Variants in MDN1 observed in about 807,000 individuals in gnomAD.
The protein encoded by MDN1 is midasin.
A neutral mutation model predicts 669.2 loss-of-function variants in MDN1; 266 were observed. The ratio of observed to expected loss-of-function variants is 0.40; its 90% CI spans 0.36 to 0.44. MDN1 has a LOEUF of 0.44. Among genes scored for constraint, MDN1 ranks in the 20% least tolerant of loss-of-function variants. The pLI, the probability that MDN1 is intolerant of heterozygous loss-of-function variation, is 1.00. For synonymous variants in MDN1, 2,385 were observed against 2,457.1 expected (o/e 0.97, Z 0.87); for missense variants, 5,940 against 6,754.0 (o/e 0.88, Z 4.22).
intron 1 of MDN1, among the ~76,000 whole-genome samples, chr6:89,811,161 C>T (rs1768389623): frequency 6.6e-6 from 1 of 152,128 alleles, no homozygotes; most frequent in East Asian, 1.9e-4. Context: ...TAGTATTCTG[C>T]ATGAATACTA....
At chr6:89,686,695 A>T (rs1260013273) in intron 69 of MDN1, among the ~76,000 whole-genome samples, 3 of 152,222 alleles carry the variant, frequency 2.0e-5, no homozygotes, top group Non-Finnish European at 4.4e-5. Context: ...TAAACCTCTC[A>T]CACTTTTGTT....
intron 90 of MDN1, among the ~76,000 whole-genome samples, chr6:89,657,790 G>A (rs1296280972): frequency 6.6e-6 from 1 of 152,196 alleles, no homozygotes; most frequent in Non-Finnish European, 1.5e-5. Flanking sequence ...ATGTGCACTG[G>A]TGGTCCTGTA....
chr6:89,792,002 G>A (rs1368977733), intron 5 of MDN1, among the ~76,000 whole-genome samples: 1 of 151,232 alleles, frequency 6.6e-6, no homozygotes, highest in Non-Finnish European at 1.5e-5. Flanking sequence ...CGAGTAGCTG[G>A]GACTACAGGT....
intron 85 of MDN1, among the ~76,000 whole-genome samples, chr6:89,663,835 A>G (rs369630638): frequency 6.6e-6 from 1 of 151,968 alleles, no homozygotes. Context: ...CCAGCTACTC[A>G]GGATGCTGAG....
At chr6:89,780,815 A>AT (rs67350721) in intron 10 of MDN1, among the ~76,000 whole-genome samples, 46 of 145,210 alleles carry the variant, frequency 3.2e-4, no homozygotes, top group South Asian at 2.2e-3. Flanking sequence ...TAATTTTTGT[A>AT]TTTTTTTTTT....
chr6:89,689,780 TTCATGAG>T lies in MDN1; in HGVS notation c.11023+83_11023+89del, dbSNP rs558551942. On this transcript the variant is annotated intron_variant, in intron 65 of 101. Transcript: ENST00000369393. Reference sequence around the variant, plus strand: ...TAAGGAATTATGCGAAAACAGGAAATTCATGAGTGTGATTGTTACAGAGTAGCAACAG... The same window carrying T: ...TAAGGAATTATGCGAAAACAGGAAATTGTGATTGTTACAGAGTAGCAACAG... 1.4e-4 allele frequency: 205 copies of T among 1,419,848 alleles called. 9 individuals are homozygous for T. The South Asian group carries it at 2.9e-3, about 20-fold the overall frequency. The allele number at this position is 1,419,848 out of a possible 1,614,324, so 88.0% of individuals were successfully genotyped here.
chr6:89,756,376 T>A lies in MDN1; in HGVS notation c.2717A>T (p.Tyr906Phe). 1.9e-6 allele frequency: 3 copies of A among 1,557,084 alleles called. No individual in the cohort carries two copies. In the South Asian group the frequency reaches 3.5e-5, roughly 18 times the overall value. Residue 906 changes from tyrosine to phenylalanine, a missense_variant, in exon 20 of 102, where the codon TAT becomes TTT. Around this residue, in one of 5 missense-constraint regions of MDN1, gnomAD observed 1,203 missense variants for 1,268.9 expected, o/e 0.95. Coordinates refer to ENST00000369393, the MANE Select transcript of MDN1 (RefSeq NM_014611.3). Reference protein sequence around the residue: ...PGIRNRFTELYVEELESKEDL... With the variant: ...PGIRNRFTELFVEELESKEDL... ...TTCTTTGCTTTCTAATTCTTCTACA[T>A]AAAGTTCTGTGAACCTGTAAAACAA... is the stretch of plus-strand genomic sequence containing the variant.
At position 89,749,718 on chromosome 6, in the gene MDN1, C is replaced by T. The variant is rs1816852176; in HGVS notation, c.3440G>A (p.Trp1147Ter). The change falls in exon 25 of 102, where the codon TGG becomes TAG. Residue 1147 changes from tryptophan to a stop codon, truncating the protein, a stop_gained. Coordinates refer to ENST00000369393, the MANE Select transcript of MDN1 (RefSeq NM_014611.3). LOFTEE classifies it high-confidence loss of function. ...VLIDAMRKGYWIILDELNLAP... is the reference protein window; with the variant it reads ...VLIDAMRKGY ...CAAATTTAATTCATCTAAAATAATC[C>T]AATAGCCTTTTCTCATGGCATCAAT... 1 of 1,613,464 alleles carries T rather than the reference C, an allele frequency of 6.2e-7. No homozygotes were observed. The highest frequency in any genetic ancestry group is 1.3e-5 in the African/African-American group (1 of 74,882).
In MDN1 at chr6:89,677,681, T is replaced by C. The variant is rs777649796; in HGVS notation, c.12428A>G (p.Lys4143Arg). ...TTTTGAACGGGCCCAAGCAAGACCT[T>C]TGCGATACGACAAACCTAGGAAATA... ...HLAKIGLSYR[K>R]GLAWARSKNP... The change falls in exon 76 of 102, where the codon AAA becomes AGA. Residue 4143 changes from lysine (K) to arginine (R), a missense_variant. By Grantham distance (26) the Lys-to-Arg change is conservative. Coordinates refer to ENST00000369393, the MANE Select transcript of MDN1 (RefSeq NM_014611.3). 3.7e-6 allele frequency: 6 copies of C among 1,613,978 alleles called. No homozygotes were observed. The African/African-American group carries it at 8.0e-5, about 22-fold the overall frequency.
intron 1 of MDN1, among the ~76,000 whole-genome samples, chr6:89,810,612 T>C (rs905043138): frequency 2.6e-5 from 4 of 152,230 alleles, no homozygotes; most frequent in African/African-American, 4.8e-5. Flanking sequence ...CAATCCCTGC[T>C]GTTCCTTGTC....
At chr6:89,713,872 T>C (rs752892389) in intron 46 of MDN1, among the ~76,000 whole-genome samples, 3 of 151,496 alleles carry the variant, frequency 2.0e-5, no homozygotes, top group African/African-American at 4.9e-5. Flanking sequence ...CTGTCTCTAC[T>C]AAAAATAAAA....
chr6:89,761,421 T>C (rs918070248), intron 17 of MDN1, among the ~76,000 whole-genome samples: 7 of 152,180 alleles, frequency 4.6e-5, no homozygotes, highest in Non-Finnish European at 8.8e-5. Flanking sequence ...CCCATGAATA[T>C]ATACAATTAT....
intron 2 of MDN1, 140 bp from the exon 3 acceptor site, chr6:89,794,941 G>T: frequency 1.4e-6 from 1 of 723,212 alleles, no homozygotes; most frequent in Non-Finnish European, 2.3e-6. Context: ...TATTTTCATT[G>T]ATTGGTGGGA....
chr6:89,658,279 A>T lies in MDN1; in HGVS notation c.15113T>A (p.Val5038Glu). 2 of 1,614,094 alleles carry T rather than the reference A, an allele frequency of 1.2e-6. No individual in the cohort carries two copies. Among genetic ancestry groups the T allele is most frequent in the Non-Finnish European group, 1.7e-6 (2 of 1,180,008 alleles). The stretch of plus-strand genomic sequence containing the variant: ...GGCCTGTGTGTTCTGCATGTTCTCC[A>T]CACCAGTCTGCCCACAGGAGGCATG... ...KEHASCGQTGVENMQNTQAME... is the reference protein window; with the variant it reads ...KEHASCGQTGEENMQNTQAME... The change falls in exon 90 of 102, where the codon GTG becomes GAG. Residue 5038 changes from valine (V) to glutamate (E), a missense_variant. Coordinates refer to ENST00000369393, the MANE Select transcript of MDN1 (RefSeq NM_014611.3).
At chr6:89,756,870 G>A (rs1412069148) in intron 19 of MDN1, among the ~76,000 whole-genome samples, 9 of 151,358 alleles carry the variant, frequency 5.9e-5, no homozygotes, top group African/African-American at 1.9e-4. Flanking sequence ...GCTGTGAGCC[G>A]AGGTTGCGCC....
At chr6:89,741,534 G>A (rs1816298948) in intron 31 of MDN1, among the ~76,000 whole-genome samples, 1 of 151,548 alleles carries the variant, frequency 6.6e-6, no homozygotes, top group Non-Finnish European at 1.5e-5. Flanking sequence ...TAAAATTACG[G>A]CTCAGGACAC....
intron 44 of MDN1, 57 bp from the exon 45 acceptor site, chr6:89,715,826 T>G: frequency 8.8e-7 from 1 of 1,135,454 alleles, no homozygotes; most frequent in Non-Finnish European, 1.3e-6. Flanking sequence ...GACTCTTCTT[T>G]CCTTCCATGC....
intron 10 of MDN1, 63 bp downstream of exon 10, chr6:89,781,336 G>T: frequency 6.6e-7 from 1 of 1,523,568 alleles, no homozygotes; most frequent in Non-Finnish European, 9.0e-7. Context: ...GGGTAACAGA[G>T]CAGGAATCTG....
chr6:89,738,830 G>A (rs1203137509), intron 32 of MDN1, among the ~76,000 whole-genome samples: 2 of 152,094 alleles, frequency 1.3e-5, no homozygotes, highest in East Asian at 3.9e-4. Flanking sequence ...ATAAACACCT[G>A]TCTTCCCACA....
Sources: gnomAD v4.1 joint callset for allele counts (sites outside exome capture counted in the v4.1 genomes callset) on GRCh38, gnomAD v4.1.1 for gene constraint, gnomAD v4.1.1 regional missense constraint, MANE v1.5 for transcripts, NCBI Gene and HGNC (gene_info 2026-07-23, HGNC 2026-07-21) for gene names.